GRIA4: variants seen among roughly 807,000 people sequenced by gnomAD.
The protein encoded by GRIA4 is glutamate receptor 4.
Under a neutral mutation model 104.0 loss-of-function variants are expected in GRIA4, and 34 were observed. The ratio of observed to expected loss-of-function variants is 0.33; its 90% CI spans 0.25 to 0.44. GRIA4 has a LOEUF of 0.44. GRIA4 is among the 20% of genes least tolerant of loss of function. GRIA4 has a pLI of 1.00. For missense variants in GRIA4, 750 were observed against 1,096.5 expected (o/e 0.68, Z 4.46); for synonymous variants, 386 against 381.9 (o/e 1.01, Z -0.13).
At chr11:105,762,115 C>T (rs1211843164) in intron 4 of GRIA4, among the ~76,000 whole-genome samples, 1 of 152,010 alleles carries the variant, frequency 6.6e-6, no homozygotes, top group Non-Finnish European at 1.5e-5. Flanking sequence ...CCTCTGTCTC[C>T]CAGCTTTAAG....
At chr11:105,872,645 C>A (rs1408171646) in intron 5 of GRIA4, among the ~76,000 whole-genome samples, 1 of 152,014 alleles carries the variant, frequency 6.6e-6, no homozygotes, top group Non-Finnish European at 1.5e-5. Context: ...CACCACCAGC[C>A]CCATCAAGTT....
chr11:105,961,802 C>G (rs969061994), intron 14 of GRIA4, among the ~76,000 whole-genome samples: 1 of 152,182 alleles, frequency 6.6e-6, no homozygotes, highest in African/African-American at 2.4e-5. Flanking sequence ...TAATAATCCA[C>G]TAACACAATT....
chr11:105,742,600 A>ACG (rs1939382209), intron 3 of GRIA4, among the ~76,000 whole-genome samples: 1 of 117,018 alleles, frequency 8.5e-6, no homozygotes, highest in South Asian at 2.8e-4. Flanking sequence ...GAGTATATAT[A>ACG]TATATGTGTG....
chr11:105,775,508 C>A (rs534840051), intron 4 of GRIA4, among the ~76,000 whole-genome samples: 3 of 151,622 alleles, frequency 2.0e-5, no homozygotes, highest in Non-Finnish European at 4.4e-5. Flanking sequence ...CAAAAATAGG[C>A]CTGAAAAAAT....
intron 3 of GRIA4, among the ~76,000 whole-genome samples, chr11:105,662,547 A>G (rs371939511): frequency 2.0e-5 from 3 of 151,880 alleles, no homozygotes; most frequent in African/African-American, 4.8e-5. Context: ...GGAATCTGTC[A>G]AATCAGTAAG....
intron 4 of GRIA4, among the ~76,000 whole-genome samples, chr11:105,826,291 G>T (rs1385124489): frequency 6.6e-6 from 1 of 152,012 alleles, no homozygotes; most frequent in African/African-American, 2.4e-5. Context: ...GCAGCCACTA[G>T]ACTTGTAGAC....
chr11:105,905,186 T>C lies in GRIA4; in HGVS notation c.1054-11T>C, dbSNP rs2136148391. 1 of 1,521,794 alleles carries C rather than the reference T, an allele frequency of 6.6e-7. No individual in the cohort carries two copies. The highest frequency in any genetic ancestry group is 2.3e-5 in the East Asian group (1 of 44,418). 94.3% of individuals were successfully genotyped at this position (1,521,794 alleles called of 1,614,324 possible). ...TGCAAGTGAACACGTGTGGTTTTCT[T>C]TTTCACTTAGGTTCGAATTCAAGGG... On this transcript the variant is annotated splice_polypyrimidine_tract_variant and intron_variant, in intron 8 of 16. Coordinates refer to ENST00000282499, the MANE Select transcript of GRIA4 (RefSeq NM_000829.4).
At chr11:105,794,490 T>TACACAC (rs1360521117) in intron 4 of GRIA4, among the ~76,000 whole-genome samples, 1 of 115,522 alleles carries the variant, frequency 8.7e-6, no homozygotes, top group Non-Finnish European at 1.8e-5. Context: ...TATATATATA[T>TACACAC]ATATATATAT....
At chr11:105,910,603 C>A in intron 10 of GRIA4, 58 bp downstream of exon 10, 1 of 877,230 alleles carries the variant, frequency 1.1e-6, no homozygotes, top group Non-Finnish European at 1.9e-6. Flanking sequence ...ATTTTAACTC[C>A]CCAGCGACGG....
chr11:105,715,188 C>A (rs907881262), intron 3 of GRIA4, among the ~76,000 whole-genome samples: 1 of 152,126 alleles, frequency 6.6e-6, no homozygotes, highest in Non-Finnish European at 1.5e-5. Flanking sequence ...TGAGGAGTTG[C>A]CAATCATGAC....
intron 3 of GRIA4, among the ~76,000 whole-genome samples, chr11:105,661,986 G>A (rs1952024461): frequency 8.1e-6 from 1 of 123,918 alleles, no homozygotes. Context: ...CTTCAATGAA[G>A]AAAACTGTGT....
chr11:105,830,120 T>C lies in GRIA4; in HGVS notation c.488-31904T>C, dbSNP rs112670867. 2.3e-3 allele frequency among the ~76,000 whole-genome samples: 353 copies of C among 152,126 alleles called. 2 individuals carry two copies. Among genetic ancestry groups the C allele is most frequent in the African/African-American group, 8.1e-3 (338 of 41,546 alleles). Reference sequence around the variant, plus strand: ...TAGCTTAACATCAAAGATCTTCCAGTGCTCTTGACAATTACGCCATTCTGT... The same window carrying C: ...TAGCTTAACATCAAAGATCTTCCAGCGCTCTTGACAATTACGCCATTCTGT... On this transcript the variant is annotated intron_variant, in intron 4 of 16. Transcript: ENST00000282499.
intron 3 of GRIA4, among the ~76,000 whole-genome samples, chr11:105,627,673 C>T (rs77851489): frequency 6.6e-6 from 1 of 152,174 alleles, no homozygotes; most frequent in African/African-American, 2.4e-5. Context: ...GCAACAAATA[C>T]TTAGCTTATC....
At chr11:105,663,056 T>C (rs1198255957) in intron 3 of GRIA4, among the ~76,000 whole-genome samples, 1 of 151,916 alleles carries the variant, frequency 6.6e-6, no homozygotes, top group South Asian at 2.1e-4. Context: ...TTGTAGCCTA[T>C]CTTTATAATT....
chr11:105,747,834 C>G (rs910660680), intron 3 of GRIA4, among the ~76,000 whole-genome samples: 1 of 151,978 alleles, frequency 6.6e-6, no homozygotes, highest in African/African-American at 2.4e-5. Context: ...GTTATCACTG[C>G]CAAAAATTAA....
In GRIA4 at chr11:105,884,588, C is replaced by A. The variant is rs374380376; in HGVS notation, c.673-2931C>A. ...ATCTGGCTCAGCAGAGATACTGATGCCTCTAGCATCACCAGCCAGGTAAAT... is the reference window on the plus strand; with the variant it reads ...ATCTGGCTCAGCAGAGATACTGATGACTCTAGCATCACCAGCCAGGTAAAT... On this transcript the variant is annotated intron_variant, in intron 5 of 16. Coordinates refer to ENST00000282499, the MANE Select transcript of GRIA4 (RefSeq NM_000829.4). 3.9e-5 allele frequency among the ~76,000 whole-genome samples: 6 copies of A among 152,152 alleles called. No individual in the cohort carries two copies. The South Asian group carries it at 6.2e-4, about 16-fold the overall frequency.
At chr11:105,808,991 A>G (rs909754981) in intron 4 of GRIA4, among the ~76,000 whole-genome samples, 3 of 152,012 alleles carry the variant, frequency 2.0e-5, no homozygotes, top group African/African-American at 7.2e-5. Flanking sequence ...GTTTTTATTT[A>G]TTTTTGAATA....
chr11:105,703,921 A>C (rs1185303682), intron 3 of GRIA4, among the ~76,000 whole-genome samples: 1 of 152,138 alleles, frequency 6.6e-6, no homozygotes, highest in African/African-American at 2.4e-5. Flanking sequence ...AAGAAATACT[A>C]GTTTTTAACT....
chr11:105,748,002 A>G (rs1939765749), intron 3 of GRIA4, among the ~76,000 whole-genome samples: 1 of 152,142 alleles, frequency 6.6e-6, no homozygotes, highest in African/African-American at 2.4e-5. Flanking sequence ...ACTCCTTAAT[A>G]CTCCTAAGTA....
Sources: gnomAD v4.1 joint callset for allele counts (sites outside exome capture counted in the v4.1 genomes callset) on GRCh38, gnomAD v4.1.1 for gene constraint, MANE v1.5 for transcripts, NCBI Gene and HGNC (gene_info 2026-07-23, HGNC 2026-07-21) for gene names.